The following SEC16A variants were observed in gnomAD, a reference collection of about 807,000 sequenced individuals.
The protein encoded by SEC16A is protein transport protein Sec16A.
Under a neutral mutation model 221.9 loss-of-function variants are expected in SEC16A, and 110 were observed. The observed-to-expected ratio is 0.50, with a 90% CI of 0.42 to 0.58. SEC16A has a LOEUF of 0.58. Among genes scored for constraint, SEC16A ranks in the 20% least tolerant of loss-of-function variants. The pLI is 0.00. For synonymous variants in SEC16A, 1,393 were observed against 1,257.7 expected (o/e 1.11, Z -2.28); for missense variants, 3,165 against 3,097.8 (o/e 1.02, Z -0.52).
Position 136,463,452 on chromosome 9 carries a change from A to G in SEC16A, c.4647+11T>C, listed in dbSNP as rs1330879096. Reference sequence around the variant, plus strand: ...CAAGAAGAAACACTCTAGAAGTAGAAAGAAACATACCCCATTTTGTCTGCA... The same window carrying G: ...CAAGAAGAAACACTCTAGAAGTAGAGAGAAACATACCCCATTTTGTCTGCA... On this transcript the variant is annotated intron_variant, in intron 11 of 31. Transcript: ENST00000684901. 6.2e-7 allele frequency: 1 copy of G among 1,611,182 alleles called. No individual in the cohort carries two copies. The highest frequency in any genetic ancestry group is 8.5e-7 in the Non-Finnish European group (1 of 1,178,286).
chr9:136,462,994 C>T lies in SEC16A; in HGVS notation c.4786G>A (p.Gly1596Ser). 1 of 1,610,758 alleles carries T rather than the reference C, an allele frequency of 6.2e-7. No individual in the cohort carries two copies. Among genetic ancestry groups the T allele is most frequent in the East Asian group, 2.2e-5 (1 of 44,880 alleles). The stretch of plus-strand genomic sequence containing the variant: ...GTGAGGAAAGAGAGCTGGGCCTCAC[C>T]AGACTCCTCCTCTTCCACCTGCTCC... ...AVEQVEEEES[G>S]EAQLSFLTGG... The change falls in exon 12 of 32, where the codon GGT becomes AGT. Residue 1596 changes from glycine (G) to serine (S), a missense_variant. Gly to Ser is a moderately conservative substitution (Grantham distance 56, BLOSUM62 0). This residue lies in a region of SEC16A where 1,088 missense variants were observed against 1,089.6 expected (regional missense o/e 1.00). Transcript: ENST00000684901.
At chr9:136,451,169 G>A (rs1837740856) in intron 23 of SEC16A, 87 bp downstream of exon 23, 6 of 1,381,220 alleles carry the variant, frequency 4.3e-6, no homozygotes, top group Middle Eastern at 2.2e-4. Context: ...TGCATGTGTG[G>A]TGAATTAAGA....
intron 18 of SEC16A, among the ~76,000 whole-genome samples, chr9:136,456,893 C>T (rs7854648): frequency 0.023 from 3,551 of 152,284 alleles, 177 homozygotes; most frequent in African/African-American, 0.08. Context: ...CCTGGCCGGG[C>T]GTGGTGGCTC....
chr9:136,472,609 T>C (rs932581462), intron 3 of SEC16A, among the ~76,000 whole-genome samples: 1 of 152,168 alleles, frequency 6.6e-6, no homozygotes, highest in African/African-American at 2.4e-5. Flanking sequence ...AGGAGCAGCC[T>C]CTAAAAGCGG....
rs1276044019 is a variant in SEC16A at position 136,459,999 on chromosome 9, C to T, written c.5073+43G>A. 3 of 1,563,160 alleles carry T rather than the reference C, an allele frequency of 1.9e-6. No individual in the cohort carries two copies. Among genetic ancestry groups the T allele is most frequent in the African/African-American group, 2.7e-5 (2 of 73,778 alleles). On this transcript the variant is annotated intron_variant, in intron 14 of 31. Coordinates refer to ENST00000684901, the MANE Select transcript of SEC16A (RefSeq NM_014866.2). This position sits in a 1 kb window ranked among gnomAD's most constrained non-coding sequence, Gnocchi z 6.1. ...GCGTCACCCACGAGCAAACTCCACA[C>T]AGGCAGTGGAGCCTGTGCAAGCCAC... is the stretch of plus-strand genomic sequence containing the variant.
At chr9:136,444,389 A>G (rs1207848141) in intron 30 of SEC16A, among the ~76,000 whole-genome samples, 1 of 152,184 alleles carries the variant, frequency 6.6e-6, no homozygotes, top group African/African-American at 2.4e-5. Flanking sequence ...CCTCAAACCA[A>G]CGTTCTCATG....
rs1315785646 is a variant in SEC16A at position 136,464,501 on chromosome 9, G to A, written c.4365C>T (p.Gly1455=). The change falls in exon 9 of 32, where the codon GGC becomes GGT. Residue 1455 remains glycine (G), a synonymous_variant. Coordinates refer to ENST00000684901, the MANE Select transcript of SEC16A (RefSeq NM_014866.2). ...FSVPHVCARF[G]PGGQLIKVIP... is the part of the protein sequence containing the mutation. Reference sequence around the variant, plus strand: ...TCACTTTGATAAGCTGACCGCCAGGGCCAAACCTGGCACAGACATGAGGCA... The same window carrying A: ...TCACTTTGATAAGCTGACCGCCAGGACCAAACCTGGCACAGACATGAGGCA... 4 of 1,612,194 alleles carry A rather than the reference G, an allele frequency of 2.5e-6. No homozygotes were observed. In the African/African-American group the frequency reaches 4.0e-5, roughly 16 times the overall value.
intron 13 of SEC16A, among the ~76,000 whole-genome samples, chr9:136,460,755 T>C (rs547156367): frequency 6.6e-6 from 1 of 151,842 alleles, no homozygotes; most frequent in African/African-American, 2.4e-5. Context: ...CTACTAAAAA[T>C]ACAAAAAATT....
chr9:136,459,143 A>G lies in SEC16A; in HGVS notation c.5400T>C (p.Pro1800=). 2 of 1,608,912 alleles carry G rather than the reference A, an allele frequency of 1.2e-6. No individual in the cohort carries two copies. Among genetic ancestry groups the G allele is most frequent in the South Asian group, 2.2e-5 (2 of 90,618 alleles). The change falls in exon 17 of 32, where the codon CCT becomes CCC. Residue 1800 remains proline, a synonymous_variant. Transcript: ENST00000684901. This position sits in a 1 kb window ranked among gnomAD's most constrained non-coding sequence, Gnocchi z 6.1. ...QSLGAETCPL[P]SFQVFKFIYS... Reference sequence around the variant, plus strand: ...GGCAGCACCTGCTTACCTGGAAACTAGGCAGGGGGCAGGTCTCGGCACCCA... The same window carrying G: ...GGCAGCACCTGCTTACCTGGAAACTGGGCAGGGGGCAGGTCTCGGCACCCA...
Position 136,474,961 on chromosome 9 carries a change from C to T in SEC16A, c.2655G>A (p.Leu885=). The T allele has an allele frequency of 6.2e-7, 1 of 1,613,794 alleles. No homozygotes were observed. Among genetic ancestry groups the T allele is most frequent in the Non-Finnish European group, 8.5e-7 (1 of 1,179,866 alleles). The change falls in exon 3 of 32, where the codon TTG becomes TTA. Residue 885 remains leucine, a synonymous_variant. Coordinates refer to ENST00000684901, the MANE Select transcript of SEC16A (RefSeq NM_014866.2). ...LGGDSGENTS[L]SGIPTSSVLS... is the part of the protein sequence containing the mutation. ...GGACAGAGCTGGTTGGAATCCCAGACAAAGAAGTGTTCTCCCCAGAATCAC... is the reference window on the plus strand; with the variant it reads ...GGACAGAGCTGGTTGGAATCCCAGATAAAGAAGTGTTCTCCCCAGAATCAC...
At position 136,463,884 on chromosome 9, in the gene SEC16A, G is replaced by T; in HGVS notation, c.4447-144C>A. 18 of 809,992 alleles carry T rather than the reference G, an allele frequency of 2.2e-5. No homozygotes were observed. The South Asian group carries it at 2.6e-4, about 12-fold the overall frequency. The allele number at this position is 809,992 out of a possible 1,614,324, so 50.2% of individuals were successfully genotyped here. A position where few individuals can be genotyped will look rare whatever the true frequency, so the allele number is the denominator to read the frequency against. ...CCGCCCCACAGCAGGTGAAGGCTCT[G>T]TCGAGGCTGTTACATGGAACATGGC... On this transcript the variant is annotated intron_variant, in intron 9 of 31. Coordinates refer to ENST00000684901, the MANE Select transcript of SEC16A (RefSeq NM_014866.2).
rs1210293842 is a variant in SEC16A at position 136,475,727 on chromosome 9, T to A, written c.1889A>T (p.Asn630Ile). The A allele has an allele frequency of 6.2e-7, 1 of 1,611,610 alleles. No homozygotes were observed. Among genetic ancestry groups the A allele is most frequent in the South Asian group, 1.1e-5 (1 of 90,560 alleles). Residue 630 changes from asparagine (N) to isoleucine (I), a missense_variant, in exon 3 of 32, where the codon AAC (asparagine) becomes ATC (isoleucine). Coordinates refer to ENST00000684901, the MANE Select transcript of SEC16A (RefSeq NM_014866.2). The surrounding 1 kb of genome is among the most constrained non-coding windows in gnomAD (Gnocchi z 5.0). ...GGTCTCCCTTACTTCACCAACCACG[T>A]TGGCGCGATCTGCCTCAAATGGTTT... ...GVKPFEADRA[N>I]VVGEVRETCV...
chr9:136,442,467 G>C (rs1013608306), intron 31 of SEC16A, among the ~76,000 whole-genome samples: 1 of 152,204 alleles, frequency 6.6e-6, no homozygotes, highest in African/African-American at 2.4e-5. Flanking sequence ...GAGGCTGTGA[G>C]GGCAGGCTGG....
intron 23 of SEC16A, chr9:136,448,663 A>G: frequency 1.4e-6 from 1 of 707,718 alleles, no homozygotes. Context: ...AGACACCAGG[A>G]GGATGGAGGT....
intron 1 of SEC16A, among the ~76,000 whole-genome samples, chr9:136,479,999 CAAAA>C (rs11330512): frequency 1.4e-5 from 2 of 143,870 alleles, no homozygotes; most frequent in African/African-American, 5.2e-5. Flanking sequence ...GAAACTGTCT[CAAAA>C]AAAAAAAGAA....
chr9:136,443,989 G>A, intron 30 of SEC16A, 89 bp from the exon 31 acceptor site: 1 of 824,774 alleles, frequency 1.2e-6, no homozygotes, highest in Non-Finnish European at 1.9e-6. Flanking sequence ...CTTCTGGGTG[G>A]GATTTACAGT....
In SEC16A at chr9:136,465,958, A is replaced by G. The variant is rs1564505245; in HGVS notation, c.4303+4T>C. ...GGTATCCCTCTGTCCTGCTGAGCAC[A>G]CACCTTGCTCCATGGCAGGCCAGAC... On this transcript the variant is annotated splice_donor_region_variant and intron_variant, in intron 8 of 31. Coordinates refer to ENST00000684901, the MANE Select transcript of SEC16A (RefSeq NM_014866.2). The G allele has an allele frequency of 1.1e-5, 18 of 1,612,908 alleles. No individual in the cohort carries two copies. The highest frequency in any genetic ancestry group is 1.7e-5 in the Admixed American group (1 of 59,984).
Position 136,445,086 on chromosome 9 carries a change from G to A in SEC16A, c.6893C>T (p.Ser2298Leu). The change falls in exon 30 of 32, where the codon TCA becomes TTA. Residue 2298 changes from serine to leucine, a missense_variant. Ser to Leu is a moderately radical substitution (Grantham distance 145, BLOSUM62 -2). This residue lies in a region of SEC16A where 1,088 missense variants were observed against 1,089.6 expected (regional missense o/e 1.00). Transcript: ENST00000684901. ...ATGCTGGCTCACTTCACGTGATAAT[G>A]AACTCATTGAACTACAGCGCGAAAG... ...GELSRCSSMS[S>L]LSREVSQHFN... The A allele has an allele frequency of 6.2e-7, 1 of 1,607,090 alleles. No individual in the cohort carries two copies. The highest frequency in any genetic ancestry group is 8.5e-7 in the Non-Finnish European group (1 of 1,176,940).
rs749117759 is a variant in SEC16A at position 136,459,209 on chromosome 9, T to C, written c.5334A>G (p.Glu1778=). The change falls in exon 17 of 32, where the codon GAA becomes GAG. Residue 1778 remains glutamate, a synonymous_variant. Coordinates refer to ENST00000684901, the MANE Select transcript of SEC16A (RefSeq NM_014866.2). This position sits in a 1 kb window ranked among gnomAD's most constrained non-coding sequence, Gnocchi z 6.1. ...CATAGGCTTCCGTCCTCTGGATTGCTTCGTTGGTTGCGAACTTTAAGAATG... is the reference window on the plus strand; with the variant it reads ...CATAGGCTTCCGTCCTCTGGATTGCCTCGTTGGTTGCGAACTTTAAGAATG... The part of the protein sequence containing the change: ...SLPFLKFATN[E]AIQRTEAYEY... 1.2e-6 allele frequency: 2 copies of C among 1,613,846 alleles called. No homozygotes were observed. The highest frequency in any genetic ancestry group is 1.1e-5 in the South Asian group (1 of 91,044).
Sources: gnomAD v4.1 joint callset for allele counts (sites outside exome capture counted in the v4.1 genomes callset) on GRCh38, gnomAD v4.1.1 for gene constraint, gnomAD v4.1.1 regional missense constraint, Gnocchi (gnomAD v3.1) non-coding constraint, MANE v1.5 for transcripts, NCBI Gene and HGNC (gene_info 2026-07-23, HGNC 2026-07-21) for gene names.